Variants in ALG14 observed in about 807,000 individuals in gnomAD.
The protein encoded by ALG14 is UDP-N-acetylglucosamine transferase subunit ALG14.
A neutral mutation model predicts 22.8 loss-of-function variants in ALG14; 17 were observed. That is an observed-to-expected ratio of 0.75 (90% confidence interval 0.51 to 1.12). The LOEUF (loss-of-function observed/expected upper bound fraction) is 1.12. Among genes scored for constraint, ALG14 ranks in the 50% most tolerant of loss-of-function variants. ALG14 has a pLI of 0.00. For missense variants in ALG14, 288 were observed against 271.8 expected (o/e 1.06, Z -0.42); for synonymous variants, 89 against 103.7 (o/e 0.86, Z 0.86).
At chr1:94,988,603 T>C (rs916069649) in intron 3 of ALG14, among the ~76,000 whole-genome samples, 1 of 152,102 alleles carries the variant, frequency 6.6e-6, no homozygotes, top group Non-Finnish European at 1.5e-5. Flanking sequence ...CAGAATGGAA[T>C]GAATGATCTA....
intron 2 of ALG14, among the ~76,000 whole-genome samples, chr1:95,045,517 A>G (rs1312133260): frequency 1.3e-5 from 2 of 152,150 alleles, no homozygotes; most frequent in Non-Finnish European, 2.9e-5. Context: ...AGAAGACTAG[A>G]GTCCAAATCA....
chr1:95,005,946 T>C (rs1295413121), intron 3 of ALG14, among the ~76,000 whole-genome samples: 1 of 152,222 alleles, frequency 6.6e-6, no homozygotes, highest in African/African-American at 2.4e-5. Context: ...AACCTAACTC[T>C]GTTTCATATA....
rs765291666 is a variant in ALG14, at chr1:94,977,572, C to G, written c.*5504G>C. On this transcript the variant is annotated 3_prime_UTR_variant, in exon 4 of 4. Coordinates refer to ENST00000370205, the MANE Select transcript of ALG14 (RefSeq NM_144988.4). Reference sequence around the variant, plus strand: ...TGGAATATGTCCTTTTATATTCTTGCGTTTAAAATTTTTGTCTAGTTTCTA... The same window carrying G: ...TGGAATATGTCCTTTTATATTCTTGGGTTTAAAATTTTTGTCTAGTTTCTA... 1 of 151,970 alleles carries G rather than the reference C, an allele frequency of 6.6e-6. No homozygotes were observed. Among genetic ancestry groups the G allele is most frequent in the Non-Finnish European group, 1.5e-5 (1 of 68,018 alleles). The allele number at this position is 151,970 out of a possible 1,614,324, so 9.4% of individuals were successfully genotyped here. A position where few individuals can be genotyped will look rare whatever the true frequency, so the allele number is the denominator to read the frequency against.
intron 2 of ALG14, among the ~76,000 whole-genome samples, chr1:95,058,114 C>T (rs1372580082): frequency 2.7e-5 from 4 of 150,756 alleles, no homozygotes; most frequent in Non-Finnish European, 5.9e-5. Context: ...GGTGAAAACC[C>T]GCCTCTACTA....
Position 94,975,723 on chromosome 1 carries a change from G to A in ALG14, c.*7353C>T, listed in dbSNP as rs192744998. On this transcript the variant is annotated 3_prime_UTR_variant, in exon 4 of 4. Coordinates refer to ENST00000370205, the MANE Select transcript of ALG14 (RefSeq NM_144988.4). ...TTAGTTTAAAAAGAGCCTCCTGGCC[G>A]GGCGCAGTGGCTCACGCCTGTAATC... 7.8e-3 allele frequency: 1,195 copies of A among 152,368 alleles called. 9 individuals carry two copies. The highest frequency in any genetic ancestry group is 0.018 in the South Asian group (87 of 4,830). The allele number at this position is 152,368 out of a possible 1,614,324, so 9.4% of individuals were successfully genotyped here.
At chr1:95,034,976 A>T (rs1309746789) in intron 2 of ALG14, among the ~76,000 whole-genome samples, 1 of 152,082 alleles carries the variant, frequency 6.6e-6, no homozygotes, top group Non-Finnish European at 1.5e-5. Flanking sequence ...CACTGTTACC[A>T]GTGACCGCCC....
At chr1:95,062,493 T>C (rs1434043694) in intron 2 of ALG14, among the ~76,000 whole-genome samples, 1 of 152,054 alleles carries the variant, frequency 6.6e-6, no homozygotes, top group Non-Finnish European at 1.5e-5. Flanking sequence ...TGTTCCCCCA[T>C]ATGTACCCAT....
At chr1:94,984,675 A>T (rs1287607613) in intron 3 of ALG14, among the ~76,000 whole-genome samples, 1 of 152,202 alleles carries the variant, frequency 6.6e-6, no homozygotes, top group Admixed American at 6.5e-5. Context: ...TTTAATCTCC[A>T]TTAAGTTGCC....
chr1:95,007,693 C>T (rs867908409), intron 3 of ALG14, among the ~76,000 whole-genome samples: 5 of 152,232 alleles, frequency 3.3e-5, no homozygotes, highest in Admixed American at 1.3e-4. Flanking sequence ...TAAACCACAG[C>T]AATACCACCC....
chr1:95,066,732 G>GA (rs1004760390), intron 1 of ALG14, among the ~76,000 whole-genome samples: 6 of 150,916 alleles, frequency 4.0e-5, no homozygotes, highest in African/African-American at 7.3e-5. Flanking sequence ...GTTTAGCCTC[G>GA]AAAAAAAACA....
intron 2 of ALG14, among the ~76,000 whole-genome samples, chr1:95,042,560 T>C (rs1406388803): frequency 6.6e-6 from 1 of 152,244 alleles, no homozygotes; most frequent in Non-Finnish European, 1.5e-5. Flanking sequence ...CCCAGATCCC[T>C]GGAACTGAGT....
intron 3 of ALG14, among the ~76,000 whole-genome samples, chr1:94,991,099 T>C (rs1672760305): frequency 6.6e-6 from 1 of 152,252 alleles, no homozygotes; most frequent in Admixed American, 6.5e-5. Flanking sequence ...ATGTCTCAGT[T>C]TCCCCTGTCA....
chr1:95,003,953 A>C (rs927207226), intron 3 of ALG14, among the ~76,000 whole-genome samples: 59 of 152,218 alleles, frequency 3.9e-4, no homozygotes, highest in African/African-American at 1.4e-3. Context: ...TCAGCTAGTA[A>C]GTATCTTTTC....
At chr1:95,020,138 A>G (rs1340320471) in intron 3 of ALG14, among the ~76,000 whole-genome samples, 1 of 151,518 alleles carries the variant, frequency 6.6e-6, no homozygotes, top group African/African-American at 2.4e-5. Flanking sequence ...AATCGCTTGA[A>G]CTCGGGAGGC....
Position 94,981,526 on chromosome 1 carries a change from C to T in ALG14, c.*1550G>A, listed in dbSNP as rs988524419. On this transcript the variant is annotated 3_prime_UTR_variant, in exon 4 of 4. Coordinates refer to ENST00000370205, the MANE Select transcript of ALG14 (RefSeq NM_144988.4). ...CCTCAGGATTTTAATCTTACATGATCGTGGATAATCATGTCTCTTTTCACA... is the reference window on the plus strand; with the variant it reads ...CCTCAGGATTTTAATCTTACATGATTGTGGATAATCATGTCTCTTTTCACA... 3.4e-5 allele frequency: 5 copies of T among 148,224 alleles called. No individual in the cohort carries two copies. The highest frequency in any genetic ancestry group is 5.9e-5 in the Non-Finnish European group (4 of 67,384). The allele number at this position is 148,224 out of a possible 1,614,324, so 9.2% of individuals were successfully genotyped here. A position where few individuals can be genotyped will look rare whatever the true frequency, so the allele number is the denominator to read the frequency against.
At chr1:95,057,753 C>T (rs1041624565) in intron 2 of ALG14, among the ~76,000 whole-genome samples, 7 of 151,300 alleles carry the variant, frequency 4.6e-5, no homozygotes, top group Non-Finnish European at 8.8e-5. Flanking sequence ...GAAGAAAGAT[C>T]GTAAGAGTCC....
In ALG14 at chr1:95,055,870, C is replaced by T. The variant is rs1219921625; in HGVS notation, c.288+8996G>A. Among the ~76,000 whole-genome samples the T allele has an allele frequency of 2.9e-5, 4 of 136,232 alleles. No homozygotes were observed. In the East Asian group the frequency reaches 6.7e-4, roughly 23 times the overall value. 89.4% of individuals were successfully genotyped at this position (136,232 alleles called of 152,430 possible). A position where few individuals can be genotyped will look rare whatever the true frequency, so the allele number is the denominator to read the frequency against. On this transcript the variant is annotated intron_variant, in intron 2 of 3. Coordinates refer to ENST00000370205, the MANE Select transcript of ALG14 (RefSeq NM_144988.4). Reference sequence around the variant, plus strand: ...AAAAAAAAAAAAAAAATTAGCCAGGCGTGGTGGCGGGTGCCTGTAGTCCCA... The same window carrying T: ...AAAAAAAAAAAAAAAATTAGCCAGGTGTGGTGGCGGGTGCCTGTAGTCCCA...
chr1:94,993,188 A>G (rs923561123), intron 3 of ALG14, among the ~76,000 whole-genome samples: 1 of 149,166 alleles, frequency 6.7e-6, no homozygotes, highest in Non-Finnish European at 1.5e-5. Flanking sequence ...TAGACTGGGC[A>G]GGGCAAAAAT....
In ALG14 at chr1:94,978,114, A is replaced by C. The variant is rs1266440631; in HGVS notation, c.*4962T>G. On this transcript the variant is annotated 3_prime_UTR_variant, in exon 4 of 4. Coordinates refer to ENST00000370205, the MANE Select transcript of ALG14 (RefSeq NM_144988.4). ...AGTCTCGCTCTGTCCCCCAGGCTGG[A>C]GTGCAGTGGTGCCATCTCAGTTCAC... 1 of 149,564 alleles carries C rather than the reference A, an allele frequency of 6.7e-6. No homozygotes were observed. Among genetic ancestry groups the C allele is most frequent in the East Asian group, 2.0e-4 (1 of 5,074 alleles). The allele number at this position is 149,564 out of a possible 1,614,324, so 9.3% of individuals were successfully genotyped here.
Sources: gnomAD v4.1 joint callset for allele counts (sites outside exome capture counted in the v4.1 genomes callset) on GRCh38, gnomAD v4.1.1 for gene constraint, MANE v1.5 for transcripts, NCBI Gene and HGNC (gene_info 2026-07-23, HGNC 2026-07-21) for gene names.